Variants in SHOX observed in about 807,000 individuals in gnomAD.
The protein encoded by SHOX is SHOX homeobox, also known as short stature homeobox protein.
A neutral mutation model predicts 29.6 loss-of-function variants in SHOX; 12 were observed. That is an observed-to-expected ratio of 0.41 (90% CI 0.26 to 0.66). The LOEUF (loss-of-function observed/expected upper bound fraction) is 0.66. Among genes scored for constraint, SHOX ranks in the 30% least tolerant of loss-of-function variants. SHOX has a pLI of 0.35. For synonymous variants in SHOX, 214 were observed against 200.6 expected (o/e 1.07, Z -0.57); for missense variants, 499 against 437.7 (o/e 1.14, Z -1.25).
At chrX:630,337 G>C (rs2052624804), upstream of SHOX, 1 of 155,158 alleles carries the variant, frequency 6.4e-6, no homozygotes, top group Non-Finnish European at 1.4e-5. Flanking sequence ...ACCCCGGCGC[G>C]ACCCGGGCGC....
intron 2 of SHOX, 83 bp downstream of exon 2, chrX:634,909 GC>G: frequency 7.1e-7 from 1 of 1,402,924 alleles, no homozygotes; most frequent in Non-Finnish European, 9.6e-7. Context: ...AGCCACCTGC[GC>G]CCGGGCCGCC....
Position 649,828 on chromosome X carries a change from G to A in SHOX, c.*5192G>A. Reference sequence around the variant, plus strand: ...TTGGCCAAATAGTCCGTGGAGGGTTGTCAGTCGCCGCAGTTGAGCAAAAAA... The same window carrying A: ...TTGGCCAAATAGTCCGTGGAGGGTTATCAGTCGCCGCAGTTGAGCAAAAAA... On this transcript the variant is annotated 3_prime_UTR_variant, in exon 5 of 5. Coordinates refer to ENST00000686671, the MANE Select transcript of SHOX (RefSeq NM_000451.4). 2.2e-6 allele frequency: 1 copy of A among 445,878 alleles called. No homozygotes were observed. The highest frequency in any genetic ancestry group is 4.5e-6 in the Non-Finnish European group (1 of 221,818). 27.6% of individuals were successfully genotyped at this position (445,878 alleles called of 1,614,324 possible). A position where few individuals can be genotyped will look rare whatever the true frequency, so the allele number is the denominator to read the frequency against.
Position 649,009 on chromosome X carries a change from TTCTTTCTTTC to T in SHOX, c.*4375_*4384del, listed in dbSNP as rs1286918015. On this transcript the variant is annotated 3_prime_UTR_variant, in exon 5 of 5. Coordinates refer to ENST00000686671, the MANE Select transcript of SHOX (RefSeq NM_000451.4). ...TTTTCTTTCTCTTTTCCTTTTTTGT[TTCTTTCTTTC>T]TTTTTCTTTCTTTCTTTTTCTTTCT... Among the ~76,000 whole-genome samples the T allele has an allele frequency of 7.3e-6, 1 of 137,192 alleles. No homozygotes were observed. The highest frequency in any genetic ancestry group is 3.1e-5 in the African/African-American group (1 of 31,868). The allele number at this position is 137,192 out of a possible 152,430, so 90.0% of individuals were successfully genotyped here. A position where few individuals can be genotyped will look rare whatever the true frequency, so the allele number is the denominator to read the frequency against.
chrX:634,275 T>C (rs2052700868), intron 1 of SHOX, among the ~76,000 whole-genome samples: 1 of 151,984 alleles, frequency 6.6e-6, no homozygotes, highest in Non-Finnish European at 1.5e-5. Context: ...AGTTGGCAGC[T>C]CTTCCTCAAA....
At chrX:656,505 A>G (rs866361224), downstream of SHOX, among the ~76,000 whole-genome samples, 3 of 151,596 alleles carry the variant, frequency 2.0e-5, no homozygotes, top group Non-Finnish European at 2.9e-5. Flanking sequence ...CCAGGAGTTC[A>G]AGACCAGCCT....
At chrX:636,276 A>C (rs2052746798) in intron 2 of SHOX, among the ~76,000 whole-genome samples, 1 of 143,232 alleles carries the variant, frequency 7.0e-6, no homozygotes, top group Non-Finnish European at 1.5e-5. Context: ...ATATATAAAC[A>C]TATATAATAT....
At position 650,335 on chromosome X, in the gene SHOX, C is replaced by CGAGG. The variant is rs3995663; in HGVS notation, c.*5700_*5701insAGGG. On this transcript the variant is annotated 3_prime_UTR_variant, in exon 5 of 5. Coordinates refer to ENST00000686671, the MANE Select transcript of SHOX (RefSeq NM_000451.4). ...TGTCGTAGGAATGGCCTCTCCATCC[C>CGAGG]GCCAAAGTCCAGCCAGGCCCCCGAA... 0.28 allele frequency among the ~76,000 whole-genome samples: 41,792 copies of CGAGG among 151,828 alleles called. 5,896 individuals are homozygous for CGAGG. The highest frequency in any genetic ancestry group is 0.36 in the Admixed American group (5,477 of 15,248).
At chrX:640,697 A>T in intron 2 of SHOX, 124 bp from the exon 3 acceptor site, 1 of 1,034,690 alleles carries the variant, frequency 9.7e-7, no homozygotes, top group Non-Finnish European at 1.5e-6. Flanking sequence ...GGCGCCCACC[A>T]TCAGTCACCT....
chrX:634,080 C>T (rs1031537663), intron 1 of SHOX, among the ~76,000 whole-genome samples: 44 of 152,318 alleles, frequency 2.9e-4, no homozygotes, highest in Middle Eastern at 3.4e-3. Context: ...TACTCAGACG[C>T]GGTTCTGCTG....
At chrX:631,351 A>T in intron 1 of SHOX, 177 bp downstream of exon 1, 1 of 342,920 alleles carries the variant, frequency 2.9e-6, no homozygotes, top group Non-Finnish European at 4.1e-6. Context: ...AGTGGACCCG[A>T]CCGGAGACGC....
At chrX:637,508 C>T (rs1238754709) in intron 2 of SHOX, among the ~76,000 whole-genome samples, 7 of 151,258 alleles carry the variant, frequency 4.6e-5, no homozygotes, top group Non-Finnish European at 8.8e-5. Context: ...AAAGACAAAT[C>T]GGGGACAAGC....
At position 650,223 on chromosome X, in the gene SHOX, C is replaced by T. The variant is rs2053033835; in HGVS notation, c.*5587C>T. Among the ~76,000 whole-genome samples the T allele has an allele frequency of 6.6e-6, 1 of 152,304 alleles. No homozygotes were observed. Among genetic ancestry groups the T allele is most frequent in the Non-Finnish European group, 1.5e-5 (1 of 68,028 alleles). ...AGCGTAACTGACCGCGTCCAACACC[C>T]GTTTTTCCACTTACAAAGCTGGTGG... On this transcript the variant is annotated 3_prime_UTR_variant, in exon 5 of 5. Transcript: ENST00000686671.
At chrX:657,513 G>GT (rs916041666) in intron 5 of SHOX, among the ~76,000 whole-genome samples, 7 of 152,234 alleles carry the variant, frequency 4.6e-5, no homozygotes, top group East Asian at 1.9e-4. Context: ...ACAAGAACCA[G>GT]TTTTTTTCAG....
rs1556473168 is a variant in SHOX, at chrX:650,806, A to AAC, written c.*6171_*6172insCA. Reference sequence around the variant, plus strand: ...ACGTTTGACATTAAAAAAAAAAAAAAAAAAAAAAAAAAACTGGTGCCTAAT... The same window carrying AAC: ...ACGTTTGACATTAAAAAAAAAAAAAAACAAAAAAAAAAAAACTGGTGCCTAAT... On this transcript the variant is annotated 3_prime_UTR_variant, in exon 5 of 5. Transcript: ENST00000686671. 5.4e-3 allele frequency among the ~76,000 whole-genome samples: 783 copies of AAC among 143,762 alleles called. 40 individuals are homozygous for AAC. The highest frequency in any genetic ancestry group is 0.041 in the Admixed American group (569 of 13,898). The allele number at this position is 143,762 out of a possible 152,430, so 94.3% of individuals were successfully genotyped here.
At chrX:625,766 C>A (rs191449089) in intron 1 of SHOX, among the ~76,000 whole-genome samples, 40 of 146,624 alleles carry the variant, frequency 2.7e-4, no homozygotes, top group Admixed American at 2.4e-3. Flanking sequence ...CTGTCTGTAT[C>A]TCTGTCTGTC....
downstream of SHOX, among the ~76,000 whole-genome samples, chrX:653,049 T>A (rs1357239439): frequency 1.3e-5 from 2 of 152,134 alleles, no homozygotes; most frequent in Non-Finnish European, 2.9e-5. Flanking sequence ...GAGACCAGCC[T>A]GGCCAACACG....
intron 1 of SHOX, 138 bp downstream of exon 1, chrX:631,312 G>A (rs2052644550): frequency 1.7e-6 from 2 of 1,156,658 alleles, no homozygotes; most frequent in Non-Finnish European, 2.5e-6. Flanking sequence ...GGGCCGTCAG[G>A]CTTTGCCTAA....
At chrX:627,051 C>T (rs2052551643), upstream of SHOX, among the ~76,000 whole-genome samples, 2 of 106,670 alleles carry the variant, frequency 1.9e-5, no homozygotes, top group Admixed American at 2.0e-4. Flanking sequence ...GTGACTCTTT[C>T]CCTCTCTCCT....
At chrX:657,080 T>G in intron 5 of SHOX, among the ~76,000 whole-genome samples, 2 of 24,998 alleles carry the variant, frequency 8.0e-5, no homozygotes, top group South Asian at 1.5e-3. Context: ...CAAGACTCCG[T>G]CTCAAAAAAA....
Sources: gnomAD v4.1 joint callset for allele counts (sites outside exome capture counted in the v4.1 genomes callset) on GRCh38, gnomAD v4.1.1 for gene constraint, MANE v1.5 for transcripts, NCBI Gene and HGNC (gene_info 2026-07-23, HGNC 2026-07-21) for gene names.